Variants in ATP9B observed in about 807,000 individuals in gnomAD.
ATP9B encodes the protein ATPase phospholipid transporting 9B.
ATP9B carries 110 observed loss-of-function variants against 146.1 expected under a neutral mutation model. The observed-to-expected ratio is 0.75, with a 90% CI of 0.65 to 0.88. The LOEUF is 0.88. Ranked by LOEUF, ATP9B falls within the 40% of genes least tolerant of loss-of-function variation. ATP9B has a pLI of 0.00. For missense variants in ATP9B, 1,499 were observed against 1,496.4 expected (o/e 1.00, Z -0.03); for synonymous variants, 604 against 569.7 (o/e 1.06, Z -0.86).
At chr18:79,314,280 G>C (rs947550298) in intron 15 of ATP9B, among the ~76,000 whole-genome samples, 1 of 152,146 alleles carries the variant, frequency 6.6e-6, no homozygotes, top group Non-Finnish European at 1.5e-5. Context: ...TCTTTAGGAA[G>C]GATGCAGTTT....
intron 12 of ATP9B, among the ~76,000 whole-genome samples, chr18:79,267,055 A>T (rs565504234): frequency 6.6e-6 from 1 of 152,054 alleles, no homozygotes; most frequent in Non-Finnish European, 1.5e-5. Context: ...GAAGAAGGCC[A>T]TGTGAGCCTC....
intron 25 of ATP9B, among the ~76,000 whole-genome samples, chr18:79,349,841 C>T (rs2096912577): frequency 6.6e-6 from 1 of 151,980 alleles, no homozygotes; most frequent in South Asian, 2.1e-4. Context: ...GTCCCCTTGG[C>T]CTAGACCACT....
chr18:79,301,894 A>G (rs1026646409), intron 13 of ATP9B, among the ~76,000 whole-genome samples: 4 of 152,204 alleles, frequency 2.6e-5, no homozygotes, highest in Admixed American at 6.5e-5. Context: ...TGTAAGCTCT[A>G]TTTTCCTTGT....
chr18:79,222,209 A>G (rs2095686781), intron 11 of ATP9B, among the ~76,000 whole-genome samples: 1 of 152,142 alleles, frequency 6.6e-6, no homozygotes, highest in Admixed American at 6.5e-5. Flanking sequence ...AATGCAAAGA[A>G]TTAGCCGGGC....
chr18:79,246,353 C>T (rs1301097951), intron 11 of ATP9B, among the ~76,000 whole-genome samples: 1 of 151,476 alleles, frequency 6.6e-6, no homozygotes, highest in African/African-American at 2.4e-5. Flanking sequence ...GCGGAGGGCA[C>T]CGCCCTACTG....
At chr18:79,070,146 A>C (rs1403952929) in intron 1 of ATP9B, among the ~76,000 whole-genome samples, 1 of 152,186 alleles carries the variant, frequency 6.6e-6, no homozygotes, top group East Asian at 1.9e-4. Context: ...GACCTTTCAT[A>C]CTCGAGATTG....
chr18:79,327,777 G>T (rs1386625089), intron 15 of ATP9B, among the ~76,000 whole-genome samples: 2 of 135,106 alleles, frequency 1.5e-5, no homozygotes, highest in African/African-American at 5.9e-5. Flanking sequence ...TGGTTAACGT[G>T]CTCTCCGTGG....
intron 7 of ATP9B, 112 bp downstream of exon 7, chr18:79,154,667 A>C: frequency 1.6e-6 from 1 of 624,704 alleles, no homozygotes; most frequent in South Asian, 3.2e-5. Flanking sequence ...ATGCTGCAGC[A>C]ATGAGGAATA....
At chr18:79,136,761 C>T (rs185777072) in intron 5 of ATP9B, among the ~76,000 whole-genome samples, 2 of 152,136 alleles carry the variant, frequency 1.3e-5, no homozygotes, top group Admixed American at 1.3e-4. Context: ...TAAAGACATA[C>T]CCAAGACCGA....
At chr18:79,200,485 G>A (rs2095458740) in intron 9 of ATP9B, among the ~76,000 whole-genome samples, 1 of 152,174 alleles carries the variant, frequency 6.6e-6, no homozygotes, top group African/African-American at 2.4e-5. Flanking sequence ...GATAGATACA[G>A]GGACTTAAGG....
chr18:79,147,706 C>T (rs966046884), intron 6 of ATP9B, among the ~76,000 whole-genome samples: 1 of 151,928 alleles, frequency 6.6e-6, no homozygotes, highest in South Asian at 2.1e-4. Context: ...CATGAAACTC[C>T]TGTGGGGAAA....
chr18:79,215,495 T>G (rs2095619500), intron 11 of ATP9B, among the ~76,000 whole-genome samples: 1 of 150,540 alleles, frequency 6.6e-6, no homozygotes, highest in Admixed American at 6.6e-5. Context: ...ATGGGGAAAG[T>G]TATCTCTTTA....
chr18:79,275,089 A>G (rs967480276), intron 12 of ATP9B, among the ~76,000 whole-genome samples: 3 of 152,230 alleles, frequency 2.0e-5, no homozygotes, highest in African/African-American at 7.2e-5. Flanking sequence ...ACTCTTCAAA[A>G]CAGTATGACA....
intron 13 of ATP9B, among the ~76,000 whole-genome samples, chr18:79,297,697 A>T (rs1424779109): frequency 6.6e-6 from 1 of 152,228 alleles, no homozygotes; most frequent in Admixed American, 6.5e-5. Context: ...TGCACTTTCA[A>T]ATACATTATA....
chr18:79,359,513 C>A (rs867548986), intron 26 of ATP9B, 51 bp downstream of exon 26: 2 of 1,385,426 alleles, frequency 1.4e-6, no homozygotes, highest in Admixed American at 3.4e-5. Context: ...CCACATCTAG[C>A]ATTTTACACG....
At chr18:79,332,087 T>C (rs2096793080) in intron 17 of ATP9B, among the ~76,000 whole-genome samples, 1 of 152,268 alleles carries the variant, frequency 6.6e-6, no homozygotes, top group Non-Finnish European at 1.5e-5. Context: ...ACATGAATTA[T>C]ATTCTGCATT....
intron 5 of ATP9B, among the ~76,000 whole-genome samples, chr18:79,127,730 G>A (rs2094310883): frequency 6.6e-6 from 1 of 152,178 alleles, no homozygotes; most frequent in Non-Finnish European, 1.5e-5. Context: ...ATACCTAGGA[G>A]TGAGATTGCT....
At chr18:79,301,010 T>TCC (rs2096587009) in intron 13 of ATP9B, among the ~76,000 whole-genome samples, 1 of 152,254 alleles carries the variant, frequency 6.6e-6, no homozygotes, top group South Asian at 2.1e-4. Context: ...GTTATCTCAA[T>TCC]CTGCTAAGTA....
chr18:79,325,023 G>A (rs773955575), intron 15 of ATP9B, among the ~76,000 whole-genome samples: 14 of 152,180 alleles, frequency 9.2e-5, no homozygotes, highest in Non-Finnish European at 7.3e-5. Flanking sequence ...GATGAAGGCC[G>A]TGGCCGAAGA....
Sources: allele counts gnomAD v4.1 joint callset (sites outside exome capture counted in the v4.1 genomes callset), GRCh38; gene constraint gnomAD v4.1.1; transcripts MANE v1.5; gene names NCBI Gene and HGNC (gene_info 2026-07-23, HGNC 2026-07-21).